Variants in EBF1 observed in about 807,000 individuals in gnomAD.
EBF1 encodes the protein EBF transcription factor 1, also known as transcription factor COE1.
EBF1 carries 10 observed loss-of-function variants against 68.4 expected under a neutral mutation model. That is an observed-to-expected ratio of 0.15 (90% CI 0.09 to 0.25). The LOEUF is 0.25. Among genes scored for constraint, EBF1 ranks in the 10% least tolerant of loss-of-function variants. The pLI is 1.00. For synonymous variants in EBF1, 298 were observed against 299.8 expected (o/e 0.99, Z 0.06); for missense variants, 509 against 794.4 (o/e 0.64, Z 4.32).
intron 7 of EBF1, among the ~76,000 whole-genome samples, chr5:158,833,935 T>C (rs563542722): frequency 2.2e-4 from 34 of 152,372 alleles, no homozygotes; most frequent in Non-Finnish European, 4.7e-4. Context: ...TATTACTGAA[T>C]GCACGCATTC....
chr5:158,930,899 C>A (rs1810741513), intron 6 of EBF1, among the ~76,000 whole-genome samples: 1 of 150,864 alleles, frequency 6.6e-6, no homozygotes. Flanking sequence ...AAAAAAAAAA[C>A]ACATTTTCAT....
chr5:158,992,779 G>C (rs1473349883), intron 6 of EBF1, among the ~76,000 whole-genome samples: 1 of 152,102 alleles, frequency 6.6e-6, no homozygotes, highest in East Asian at 1.9e-4. Flanking sequence ...TCTGGGAACA[G>C]CATCATGAGA....
chr5:158,714,354 T>C (rs1242036196), intron 11 of EBF1, among the ~76,000 whole-genome samples, 172 bp from the exon 12 acceptor site: 1 of 152,220 alleles, frequency 6.6e-6, no homozygotes, highest in Non-Finnish European at 1.5e-5. Context: ...CCTGTTCACA[T>C]ACACACTTAA....
chr5:158,780,555 A>G (rs973938521), intron 9 of EBF1, among the ~76,000 whole-genome samples: 3 of 152,200 alleles, frequency 2.0e-5, no homozygotes, highest in Non-Finnish European at 4.4e-5. Context: ...TGTCACTACC[A>G]TAATTGGAAA....
At chr5:158,810,424 A>C (rs1782439899) in intron 8 of EBF1, among the ~76,000 whole-genome samples, 1 of 152,200 alleles carries the variant, frequency 6.6e-6, no homozygotes, top group Non-Finnish European at 1.5e-5. Context: ...ATAGTAGCCC[A>C]AGTACATTGC....
intron 2 of EBF1, among the ~76,000 whole-genome samples, 180 bp downstream of exon 2, chr5:159,096,794 A>G (rs1479937961): frequency 6.6e-6 from 1 of 152,086 alleles, no homozygotes; most frequent in Non-Finnish European, 1.5e-5. Context: ...ACTTTTCTGG[A>G]GAAGGAGCCA....
intron 6 of EBF1, among the ~76,000 whole-genome samples, chr5:158,907,088 C>T (rs773361181): frequency 2.0e-5 from 3 of 152,156 alleles, no homozygotes; most frequent in Non-Finnish European, 2.9e-5. Context: ...AGTCCCCAGG[C>T]AAATCAGGGA....
At chr5:158,708,277 C>T in intron 14 of EBF1, 104 bp from the exon 15 acceptor site, 1 of 1,189,158 alleles carries the variant, frequency 8.4e-7, no homozygotes, top group Non-Finnish European at 1.2e-6. Flanking sequence ...CTGCCCTGCT[C>T]AGACGATGCT....
chr5:158,717,612 ATAAT>A (rs1581267888), intron 11 of EBF1, among the ~76,000 whole-genome samples: 1 of 152,022 alleles, frequency 6.6e-6, no homozygotes. Context: ...CAATTCCAAG[ATAAT>A]TAATCCTATC....
At chr5:159,045,617 G>A (rs1460587565) in intron 6 of EBF1, among the ~76,000 whole-genome samples, 1 of 152,020 alleles carries the variant, frequency 6.6e-6, no homozygotes, top group East Asian at 1.9e-4. Flanking sequence ...ATAATTTTTA[G>A]GTACTTAATG....
Position 158,778,627 on chromosome 5 carries a change from T to C in EBF1, c.910-1088A>G, listed in dbSNP as rs546532642. On this transcript the variant is annotated intron_variant, in intron 9 of 15. Coordinates refer to ENST00000313708, the MANE Select transcript of EBF1 (RefSeq NM_024007.5). ...GCCCAGAGAATCACAGATAACACCA[T>C]GAGAGGCTGGATGCGGCCAATGGGT... 7.9e-5 allele frequency among the ~76,000 whole-genome samples: 12 copies of C among 152,264 alleles called. No individual in the cohort carries two copies. In the South Asian group the frequency reaches 2.1e-3, roughly 26 times the overall value.
chr5:158,846,506 G>T (rs1239439720), intron 6 of EBF1, among the ~76,000 whole-genome samples: 1 of 152,152 alleles, frequency 6.6e-6, no homozygotes, highest in Non-Finnish European at 1.5e-5. Flanking sequence ...TTATCCGAAG[G>T]TCATCACTAC....
rs752613065 is a variant in EBF1, at chr5:158,708,069, C to T, written c.1654G>A (p.Val552Met). ...GGTGCGAAAGCACTCTTCTGTTTCA[C>T]GGCTGAGACCATGTTGGCTGGTGAG... ...SFSPANMVSA[V>M]KQKSAFAPVV... The change falls in exon 15 of 16, where the codon GTG (valine) becomes ATG (methionine). Residue 552 changes from valine (V) to methionine (M), a missense_variant. This residue lies in a region of EBF1 where 205 missense variants were observed against 247.4 expected (regional missense o/e 0.83). Transcript: ENST00000313708. 1.9e-5 allele frequency: 30 copies of T among 1,566,866 alleles called. No individual in the cohort carries two copies. The highest frequency in any genetic ancestry group is 4.7e-5 in the East Asian group (2 of 42,644).
At chr5:158,821,827 T>C (rs1444003792) in intron 8 of EBF1, among the ~76,000 whole-genome samples, 6 of 152,200 alleles carry the variant, frequency 3.9e-5, no homozygotes, top group Non-Finnish European at 5.9e-5. Flanking sequence ...ATCTCAGCAC[T>C]AATGAAACCA....
intron 10 of EBF1, among the ~76,000 whole-genome samples, chr5:158,743,459 C>T (rs2127575544): frequency 6.6e-6 from 1 of 152,198 alleles, no homozygotes; most frequent in African/African-American, 2.4e-5. Context: ...AGGTAGAGAG[C>T]AAGGAGTCAT....
chr5:158,943,662 C>T (rs1322661591), intron 6 of EBF1, among the ~76,000 whole-genome samples: 2 of 152,054 alleles, frequency 1.3e-5, no homozygotes, highest in Non-Finnish European at 2.9e-5. Flanking sequence ...AAGAGTGTGG[C>T]AGTGCCTCTT....
intron 8 of EBF1, among the ~76,000 whole-genome samples, chr5:158,816,002 CA>C (rs1244421366): frequency 2.6e-5 from 4 of 152,210 alleles, no homozygotes; most frequent in African/African-American, 9.7e-5. Flanking sequence ...CTTCTTTTCT[CA>C]AATAGGGAAA....
chr5:158,873,967 C>T (rs1228728941), intron 6 of EBF1, among the ~76,000 whole-genome samples: 1 of 152,108 alleles, frequency 6.6e-6, no homozygotes, highest in East Asian at 1.9e-4. Flanking sequence ...CATAAGGGAA[C>T]ACAACCTGTA....
chr5:158,875,560 A>C (rs998629231), intron 6 of EBF1, among the ~76,000 whole-genome samples: 2 of 152,242 alleles, frequency 1.3e-5, no homozygotes, highest in Non-Finnish European at 2.9e-5. Context: ...CTGAGCAAAC[A>C]AGCTACTATA....
Sources: allele counts gnomAD v4.1 joint callset (sites outside exome capture counted in the v4.1 genomes callset), GRCh38; gene constraint gnomAD v4.1.1; regional missense constraint gnomAD v4.1.1; transcripts MANE v1.5; gene names NCBI Gene and HGNC (gene_info 2026-07-23, HGNC 2026-07-21).